SLC30A8: variants seen among roughly 807,000 people sequenced by gnomAD.
The protein encoded by SLC30A8 is proton-coupled zinc antiporter SLC30A8.
Under a neutral mutation model 36.9 loss-of-function variants are expected in SLC30A8, and 27 were observed. That is an observed-to-expected ratio of 0.73 (90% confidence interval 0.54 to 1.01). The LOEUF (loss-of-function observed/expected upper bound fraction) is 1.01, where lower values mean the gene tolerates loss of function less well. Among genes scored for constraint, SLC30A8 ranks in the 50% least tolerant of loss-of-function variants. The probability of loss-of-function intolerance (pLI) is 0.00; values close to 1 mark genes in which losing one functional copy is unlikely to be tolerated. For missense variants in SLC30A8, 439 were observed against 452.0 expected, an observed-to-expected ratio of 0.97 and a Z score of 0.26; for synonymous variants, 164 against 172.4, an observed-to-expected ratio of 0.95 and a Z score of 0.38.
chr8:117,156,844 AT>A (rs1185532869), intron 3 of SLC30A8, among the ~76,000 whole-genome samples: 28 of 152,210 alleles, frequency 1.8e-4, no homozygotes, highest in African/African-American at 6.3e-4. Flanking sequence ...ACAATGGGTA[AT>A]AATATATTAC....
rs772794970 is a variant in SLC30A8 at position 117,163,494 on chromosome 8, A to ACTAT, written c.796_799dup (p.Leu267TyrfsTer71). 6.2e-7 allele frequency: 1 copy of ACTAT among 1,613,504 alleles called. No individual in the cohort carries two copies. Among genetic ancestry groups the ACTAT allele is most frequent in the Non-Finnish European group, 8.5e-7 (1 of 1,179,684 alleles). On this transcript the variant is annotated frameshift_variant, in exon 6 of 8. Coordinates refer to ENST00000456015, the MANE Select transcript of SLC30A8 (RefSeq NM_173851.3). LOFTEE classifies it high-confidence loss of function. Reference sequence around the variant, plus strand: ...CATCCTGGTCTTGGCCAGCACCATCACTATCTTAAAGGACTTCTCCATCTT... The same window carrying ACTAT: ...CATCCTGGTCTTGGCCAGCACCATCACTATCTATCTTAAAGGACTTCTCCATCTT...
At chr8:117,011,220 T>C (rs1462726855) in intron 1 of SLC30A8, among the ~76,000 whole-genome samples, 1 of 152,172 alleles carries the variant, frequency 6.6e-6, no homozygotes, top group East Asian at 1.9e-4. Context: ...GAGGAGCCCC[T>C]GAAACCAGAT....
At chr8:117,051,716 G>A (rs1303913054) in intron 2 of SLC30A8, among the ~76,000 whole-genome samples, 2 of 152,076 alleles carry the variant, frequency 1.3e-5, no homozygotes, top group Non-Finnish European at 2.9e-5. Context: ...GGGAGACTGA[G>A]GCAGGAGAAT....
At chr8:117,117,091 C>T (rs565880589) in intron 2 of SLC30A8, among the ~76,000 whole-genome samples, 3 of 151,892 alleles carry the variant, frequency 2.0e-5, no homozygotes, top group South Asian at 4.2e-4. Flanking sequence ...TTTGTCTTTC[C>T]GAGGAAAGAC....
At chr8:117,151,207 A>T (rs1586591912) in intron 2 of SLC30A8, among the ~76,000 whole-genome samples, 1 of 151,294 alleles carries the variant, frequency 6.6e-6, no homozygotes, top group Non-Finnish European at 1.5e-5. Flanking sequence ...AAAGTTCCTC[A>T]CTCTTCCCAG....
chr8:117,031,632 T>C (rs1185347067), intron 1 of SLC30A8, among the ~76,000 whole-genome samples: 1 of 152,008 alleles, frequency 6.6e-6, no homozygotes, highest in Non-Finnish European at 1.5e-5. Flanking sequence ...AGCTCATTTA[T>C]TTTGTATTTT....
chr8:117,089,739 C>CT (rs1277497315), intron 2 of SLC30A8, among the ~76,000 whole-genome samples: 1 of 152,152 alleles, frequency 6.6e-6, no homozygotes, highest in Non-Finnish European at 1.5e-5. Context: ...TCTTTCTACT[C>CT]TTTTATGGGC....
At chr8:117,111,557 C>T (rs1349055762) in intron 2 of SLC30A8, among the ~76,000 whole-genome samples, 1 of 152,136 alleles carries the variant, frequency 6.6e-6, no homozygotes, top group African/African-American at 2.4e-5. Context: ...ACACCATGTT[C>T]CCTGACTGTG....
intron 2 of SLC30A8, among the ~76,000 whole-genome samples, chr8:117,068,668 C>T (rs1440464326): frequency 6.6e-6 from 1 of 150,982 alleles, no homozygotes; most frequent in Non-Finnish European, 1.5e-5. Flanking sequence ...CATCTGCCTC[C>T]TGAGTTCAAG....
intron 2 of SLC30A8, among the ~76,000 whole-genome samples, chr8:117,106,029 C>T (rs913624521): frequency 6.6e-6 from 1 of 152,062 alleles, no homozygotes; most frequent in Non-Finnish European, 1.5e-5. Flanking sequence ...TGCAGCTCTT[C>T]GTTGGACTGG....
At chr8:116,996,977 C>CTT (rs778956654) in intron 1 of SLC30A8, among the ~76,000 whole-genome samples, 1 of 142,420 alleles carries the variant, frequency 7.0e-6, no homozygotes, top group Non-Finnish European at 1.5e-5. Context: ...AGGAGGCATT[C>CTT]TTTTTTTTTT....
At chr8:116,994,788 GAA>G (rs1287077951) in intron 1 of SLC30A8, among the ~76,000 whole-genome samples, 2 of 152,026 alleles carry the variant, frequency 1.3e-5, no homozygotes, top group East Asian at 3.9e-4. Context: ...TCCCAAAAGC[GAA>G]GTTAGTCCTC....
chr8:117,012,725 A>T (rs1488734797), intron 1 of SLC30A8, among the ~76,000 whole-genome samples: 1 of 3,616 alleles, frequency 2.8e-4, no homozygotes, highest in African/African-American at 1.1e-3. Context: ...ACATATGTAT[A>T]CACACACACA....
At chr8:117,009,919 T>A (rs2130702408) in intron 1 of SLC30A8, among the ~76,000 whole-genome samples, 1 of 152,238 alleles carries the variant, frequency 6.6e-6, no homozygotes, top group South Asian at 2.1e-4. Flanking sequence ...TTTTGTAATA[T>A]TTTTTCGGAG....
At chr8:116,985,718 T>C (rs1586362664) in intron 1 of SLC30A8, among the ~76,000 whole-genome samples, 1 of 152,146 alleles carries the variant, frequency 6.6e-6, no homozygotes, top group East Asian at 1.9e-4. Flanking sequence ...AATTTTCCCA[T>C]GTCCTCACTT....
chr8:117,076,832 G>T (rs1818505063), intron 2 of SLC30A8, among the ~76,000 whole-genome samples: 1 of 151,596 alleles, frequency 6.6e-6, no homozygotes, highest in Non-Finnish European at 1.5e-5. Flanking sequence ...AATGATGTTT[G>T]TTGACTGATT....
In SLC30A8 at chr8:117,171,047, C is replaced by A; in HGVS notation, c.843C>A (p.Ser281Arg). The stretch of plus-strand genomic sequence containing the variant: ...CCCTTTTGTCAGGTGTGCCAAAGAG[C>A]CTGAATTACAGTGGTGTGAAAGAGC... ...SILLMEGVPK[S>R]LNYSGVKELI... The change falls in exon 7 of 8, where the codon AGC becomes AGA. Residue 281 changes from serine (S) to arginine (R), a missense_variant. Coordinates refer to ENST00000456015, the MANE Select transcript of SLC30A8 (RefSeq NM_173851.3). The A allele has an allele frequency of 1.3e-6, 2 of 1,599,012 alleles. No individual in the cohort carries two copies. The highest frequency in any genetic ancestry group is 8.5e-7 in the Non-Finnish European group (1 of 1,173,166).
rs112420469 is a variant in SLC30A8 at position 116,971,328 on chromosome 8, A to G, written c.-266+20209A>G. 5.1e-3 allele frequency among the ~76,000 whole-genome samples: 769 copies of G among 152,194 alleles called. 8 individuals are homozygous for G. Among genetic ancestry groups the G allele is most frequent in the African/African-American group, 0.017 (723 of 41,538 alleles). On this transcript the variant is annotated intron_variant, in intron 1 of 10. Coordinates refer to the SLC30A8 transcript ENST00000427715. ...GAAAAAAAAAAACAAAAACACATCA[A>G]CTAAATTAAAGTAGCTGTGGTGGGG...
At chr8:116,954,696 A>G (rs1447899018) in intron 1 of SLC30A8, among the ~76,000 whole-genome samples, 2 of 152,224 alleles carry the variant, frequency 1.3e-5, no homozygotes, top group African/African-American at 2.4e-5. Flanking sequence ...ATTCTTTCAA[A>G]TAGTTTGGTT....
Sources: allele counts gnomAD v4.1 joint callset (sites outside exome capture counted in the v4.1 genomes callset), GRCh38; gene constraint gnomAD v4.1.1; transcripts MANE v1.5; gene names NCBI Gene and HGNC (gene_info 2026-07-23, HGNC 2026-07-21).